ACSL3: variants seen among roughly 807,000 people sequenced by gnomAD.
ACSL3 encodes the protein acyl-CoA synthetase long chain family member 3.
ACSL3 carries 34 observed loss-of-function variants against 84.7 expected under a neutral mutation model. The ratio of observed to expected loss-of-function variants is 0.40; its 90% CI spans 0.31 to 0.53. The LOEUF (loss-of-function observed/expected upper bound fraction) is 0.53. Among genes scored for constraint, ACSL3 ranks in the 20% least tolerant of loss-of-function variants. The probability of loss-of-function intolerance (pLI) is 0.48; values close to 1 mark genes in which losing one functional copy is unlikely to be tolerated. For missense variants in ACSL3, 680 were observed against 873.1 expected, an observed-to-expected ratio of 0.78 and a Z score of 2.79; for synonymous variants, 315 against 299.4, an observed-to-expected ratio of 1.05 and a Z score of -0.54.
chr2:222,935,072 A>G (rs1216805904), intron 16 of ACSL3, among the ~76,000 whole-genome samples: 2 of 152,254 alleles, frequency 1.3e-5, no homozygotes, highest in Non-Finnish European at 2.9e-5. Flanking sequence ...TAATAGTTTC[A>G]TAACCATTTT....
In ACSL3 at chr2:222,929,606, C is replaced by T. The variant is rs368110680; in HGVS notation, c.1540+670C>T. The stretch of plus-strand genomic sequence containing the variant: ...ACCAGCCTGACCAACATGGTGAAAC[C>T]GTCTCTACTAAAAATACAAAAATTA... On this transcript the variant is annotated intron_variant, in intron 13 of 16. Transcript: ENST00000357430. 2.5e-4 allele frequency among the ~76,000 whole-genome samples: 38 copies of T among 151,988 alleles called. No individual in the cohort carries two copies. In the East Asian group the frequency reaches 5.9e-3, roughly 23 times the overall value.
chr2:222,893,696 C>T (rs1253252923), intron 2 of ACSL3, among the ~76,000 whole-genome samples: 1 of 151,762 alleles, frequency 6.6e-6, no homozygotes, highest in African/African-American at 2.4e-5. Flanking sequence ...TTTCTTCCTT[C>T]TCTCTTCTCT....
At chr2:222,869,647 A>G (rs760821879) in intron 1 of ACSL3, among the ~76,000 whole-genome samples, 1 of 152,242 alleles carries the variant, frequency 6.6e-6, no homozygotes, top group Non-Finnish European at 1.5e-5. Context: ...GTTTTGCCAC[A>G]GTAGCCAGGG....
chr2:222,923,559 C>G (rs1696795511), intron 10 of ACSL3, among the ~76,000 whole-genome samples: 1 of 152,140 alleles, frequency 6.6e-6, no homozygotes, highest in African/African-American at 2.4e-5. Context: ...AAACACCAAA[C>G]AAAGTGACAG....
intron 1 of ACSL3, among the ~76,000 whole-genome samples, chr2:222,867,934 C>T (rs1028628436): frequency 4.0e-5 from 6 of 150,740 alleles, no homozygotes; most frequent in Middle Eastern, 3.4e-3. Context: ...GGCACTTTTC[C>T]TCGAAGGCTC....
intron 1 of ACSL3, among the ~76,000 whole-genome samples, chr2:222,882,428 C>T (rs1695613176): frequency 6.6e-6 from 1 of 152,074 alleles, no homozygotes. Context: ...CACTAGGGAC[C>T]CAGTTTCGTG....
intron 2 of ACSL3, among the ~76,000 whole-genome samples, chr2:222,893,942 C>T (rs62187258): frequency 2.0e-5 from 3 of 152,160 alleles, no homozygotes; most frequent in African/African-American, 7.2e-5. Context: ...GAGATCCTCC[C>T]ACCTCAGCCT....
At chr2:222,891,239 C>A (rs1370502408) in intron 2 of ACSL3, among the ~76,000 whole-genome samples, 2 of 151,928 alleles carry the variant, frequency 1.3e-5, no homozygotes, top group Non-Finnish European at 2.9e-5. Flanking sequence ...AGTAAAGAAT[C>A]CTATTCAGTA....
rs547691690 is a variant in ACSL3, at chr2:222,923,742, C to T, written c.1152+593C>T. On this transcript the variant is annotated intron_variant, in intron 10 of 16. Coordinates refer to ENST00000357430, the MANE Select transcript of ACSL3 (RefSeq NM_004457.5). Reference sequence around the variant, plus strand: ...TTATTGTCGGGTACCTAAATGCTTACGTCAAGAATAATTACATAGTTACTT... The same window carrying T: ...TTATTGTCGGGTACCTAAATGCTTATGTCAAGAATAATTACATAGTTACTT... 6.6e-5 allele frequency among the ~76,000 whole-genome samples: 10 copies of T among 152,124 alleles called. No homozygotes were observed. The South Asian group carries it at 1.0e-3, about 16-fold the overall frequency.
chr2:222,919,975 A>G (rs149061083), intron 7 of ACSL3, among the ~76,000 whole-genome samples: 36 of 152,316 alleles, frequency 2.4e-4, no homozygotes, highest in African/African-American at 8.4e-4. Context: ...TGAGGTCACC[A>G]ACAGGGAATG....
chr2:222,941,555 C>T lies in ACSL3; in HGVS notation c.2064C>T (p.Thr688=), dbSNP rs762047987. The T allele has an allele frequency of 6.2e-7, 1 of 1,613,078 alleles. No homozygotes were observed. The highest frequency in any genetic ancestry group is 8.5e-7 in the Non-Finnish European group (1 of 1,179,710). The change falls in exon 17 of 17, where the codon ACC becomes ACT. Residue 688 remains threonine, a synonymous_variant. Transcript: ENST00000357430. ...VKIRLSPEPW[T]PETGLVTDAF... is the part of the protein sequence containing the mutation. ...TTCGTTTGAGTCCTGAACCGTGGAC[C>T]CCTGAAACTGGTCTGGTGACAGATG...
chr2:222,882,842 A>C (rs1695625878), intron 1 of ACSL3, among the ~76,000 whole-genome samples: 1 of 136,438 alleles, frequency 7.3e-6, no homozygotes, highest in South Asian at 2.3e-4. Flanking sequence ...ATCTTGGCTT[A>C]CTGCAAGCTC....
chr2:222,930,434 T>C (rs115480979), intron 13 of ACSL3, among the ~76,000 whole-genome samples, 187 bp from the exon 14 acceptor site: 1,655 of 152,364 alleles, frequency 0.011, 15 homozygotes, highest in African/African-American at 0.024. Flanking sequence ...TAAATACTTA[T>C]GGTTTAGCAA....
At chr2:222,888,855 G>A (rs959659483) in intron 2 of ACSL3, among the ~76,000 whole-genome samples, 1 of 152,146 alleles carries the variant, frequency 6.6e-6, no homozygotes, top group Non-Finnish European at 1.5e-5. Context: ...AATATACTTT[G>A]TCCACTTTAA....
At chr2:222,888,923 C>A (rs557260687) in intron 2 of ACSL3, among the ~76,000 whole-genome samples, 2 of 152,112 alleles carry the variant, frequency 1.3e-5, no homozygotes, top group African/African-American at 4.8e-5. Flanking sequence ...GAGGGATATA[C>A]GTGATCAAAT....
intron 1 of ACSL3, among the ~76,000 whole-genome samples, chr2:222,870,944 G>T (rs773217084): frequency 4.6e-5 from 7 of 152,124 alleles, no homozygotes; most frequent in Non-Finnish European, 1.0e-4. Context: ...GAGTGGCAAC[G>T]TCACACTGGC....
chr2:222,931,652 C>A (rs1161735790), intron 14 of ACSL3, among the ~76,000 whole-genome samples: 1 of 152,098 alleles, frequency 6.6e-6, no homozygotes, highest in Non-Finnish European at 1.5e-5. Flanking sequence ...GCCATGTTTA[C>A]CCCCTTAAAC....
intron 16 of ACSL3, 23 bp from the exon 17 acceptor site, chr2:222,941,474 T>TA: frequency 6.7e-7 from 1 of 1,500,044 alleles, no homozygotes; most frequent in South Asian, 1.3e-5. Flanking sequence ...TTTTCTTCTT[T>TA]TCTTTTTTTT....
chr2:222,909,237 A>T (rs1189013436), intron 4 of ACSL3, 87 bp downstream of exon 4: 7 of 1,332,686 alleles, frequency 5.3e-6, no homozygotes, highest in African/African-American at 3.0e-5. Flanking sequence ...GCCTGCCTCC[A>T]TTAGAATTCG....
Sources: gnomAD v4.1 joint callset for allele counts (sites outside exome capture counted in the v4.1 genomes callset) on GRCh38, gnomAD v4.1.1 for gene constraint, MANE v1.5 for transcripts, NCBI Gene and HGNC (gene_info 2026-07-23, HGNC 2026-07-21) for gene names.